Variants in ATP8A2 observed in about 807,000 individuals in gnomAD.
The protein encoded by ATP8A2 is ATPase phospholipid transporting 8A2.
In ATP8A2, 100 loss-of-function variants were observed where a neutral mutation model predicts 165.6. The observed-to-expected ratio is 0.60, with a 90% CI of 0.51 to 0.71. The LOEUF (loss-of-function observed/expected upper bound fraction) is 0.71. ATP8A2 is among the 30% of genes least tolerant of loss of function. ATP8A2 has a pLI of 0.00. For missense variants in ATP8A2, 1,227 were observed against 1,479.5 expected (o/e 0.83, Z 2.80); for synonymous variants, 543 against 548.8 (o/e 0.99, Z 0.15).
chr13:25,581,768 C>T (rs1423298302), intron 22 of ATP8A2, 51 bp from the exon 23 acceptor site: 1 of 1,541,242 alleles, frequency 6.5e-7, no homozygotes, highest in African/African-American at 1.4e-5. Flanking sequence ...TTTGTTAGTG[C>T]TGTTCTTAAG....
intron 33 of ATP8A2, among the ~76,000 whole-genome samples, chr13:25,888,076 C>G (rs573610087): frequency 3.0e-5 from 4 of 135,494 alleles, no homozygotes; most frequent in East Asian, 2.6e-4. Context: ...AGACCCCCCC[C>G]CCGCCCCACC....
At chr13:25,886,141 G>A (rs1953145409) in intron 33 of ATP8A2, among the ~76,000 whole-genome samples, 1 of 152,174 alleles carries the variant, frequency 6.6e-6, no homozygotes, top group Non-Finnish European at 1.5e-5. Flanking sequence ...AAATTGACAA[G>A]CAATGTTATA....
At chr13:25,964,930 T>C (rs1470752919) in intron 34 of ATP8A2, among the ~76,000 whole-genome samples, 5 of 152,160 alleles carry the variant, frequency 3.3e-5, no homozygotes, top group Non-Finnish European at 4.4e-5. Context: ...GAGGCCGAGG[T>C]GGGCGGATCA....
intron 36 of ATP8A2, 76 bp downstream of exon 36, chr13:26,012,698 C>G: frequency 8.6e-6 from 2 of 232,936 alleles, no homozygotes; most frequent in Non-Finnish European, 1.1e-5. Context: ...GTTGGGGGAG[C>G]GGGCGCTGAT....
chr13:25,963,262 C>T (rs1399660610), intron 34 of ATP8A2, among the ~76,000 whole-genome samples: 3 of 151,820 alleles, frequency 2.0e-5, no homozygotes, highest in Admixed American at 6.6e-5. Context: ...GGCGTGGTGG[C>T]GGGCACCTGT....
At chr13:25,519,646 G>C (rs533647321) in intron 2 of ATP8A2, among the ~76,000 whole-genome samples, 1 of 152,104 alleles carries the variant, frequency 6.6e-6, no homozygotes, top group Non-Finnish European at 1.5e-5. Context: ...TTTGCGCCTG[G>C]TCACTTATCT....
At chr13:25,818,143 T>G (rs1951076628) in intron 27 of ATP8A2, among the ~76,000 whole-genome samples, 1 of 152,220 alleles carries the variant, frequency 6.6e-6, no homozygotes, top group Admixed American at 6.5e-5. Flanking sequence ...TCACTCAAAA[T>G]ATTGCCAGAT....
chr13:25,813,499 A>G (rs1333164988), intron 27 of ATP8A2, among the ~76,000 whole-genome samples: 2 of 149,362 alleles, frequency 1.3e-5, no homozygotes, highest in East Asian at 1.9e-4. Context: ...GATATATGAT[A>G]TGGTATGATA....
intron 27 of ATP8A2, among the ~76,000 whole-genome samples, chr13:25,792,501 C>T (rs934144641): frequency 1.2e-4 from 18 of 152,140 alleles, no homozygotes; most frequent in African/African-American, 4.1e-4. Flanking sequence ...TAGAGACTCA[C>T]TAAGTATGTA....
At chr13:25,571,019 A>G (rs2039452193) in intron 17 of ATP8A2, 147 bp downstream of exon 17, 9 of 597,526 alleles carry the variant, frequency 1.5e-5, no homozygotes, top group Non-Finnish European at 2.6e-5. Context: ...CTGTGGCTAC[A>G]GGTGCAAAGC....
At chr13:25,745,312 G>T (rs2044007011) in intron 25 of ATP8A2, among the ~76,000 whole-genome samples, 1 of 152,132 alleles carries the variant, frequency 6.6e-6, no homozygotes, top group African/African-American at 2.4e-5. Context: ...AACTCAGCTT[G>T]CTCCTTGTTT....
chr13:25,640,798 C>T (rs2041499080), intron 24 of ATP8A2, among the ~76,000 whole-genome samples: 1 of 151,912 alleles, frequency 6.6e-6, no homozygotes, highest in Non-Finnish European at 1.5e-5. Flanking sequence ...AGAGACACAA[C>T]AAAAAAAGAG....
chr13:25,435,936 TGTGTGTGTGTGTGTGA>T (rs1391420576), intron 1 of ATP8A2, among the ~76,000 whole-genome samples: 1 of 114,476 alleles, frequency 8.7e-6, no homozygotes, highest in African/African-American at 3.1e-5. Flanking sequence ...TGTGTGAGTG[TGTGTGTGTGTGTGTGA>T]GTGTGTGTGT....
At chr13:25,905,685 G>A (rs144530744) in intron 33 of ATP8A2, among the ~76,000 whole-genome samples, 69 of 152,242 alleles carry the variant, frequency 4.5e-4, no homozygotes, top group African/African-American at 1.5e-3. Context: ...CTCCAGCCTC[G>A]GTGCCTGTCT....
intron 24 of ATP8A2, among the ~76,000 whole-genome samples, chr13:25,621,293 G>T (rs1419227466): frequency 1.3e-5 from 2 of 152,208 alleles, no homozygotes; most frequent in Admixed American, 6.5e-5. Context: ...TTAAGTGTCA[G>T]ATTTCATCAT....
intron 30 of ATP8A2, among the ~76,000 whole-genome samples, chr13:25,846,162 C>A (rs916851507): frequency 2.0e-5 from 3 of 151,888 alleles, no homozygotes; most frequent in Non-Finnish European, 4.4e-5. Context: ...GTGACAAGAG[C>A]GAAACTCAGT....
intron 25 of ATP8A2, among the ~76,000 whole-genome samples, chr13:25,747,275 A>G (rs1260756489): frequency 6.6e-6 from 1 of 152,234 alleles, no homozygotes; most frequent in Non-Finnish European, 1.5e-5. Flanking sequence ...TGAGCAGGCA[A>G]ACAGGCCTCA....
At chr13:25,907,368 T>A (rs1323270181) in intron 33 of ATP8A2, among the ~76,000 whole-genome samples, 1 of 76,966 alleles carries the variant, frequency 1.3e-5, no homozygotes, top group Non-Finnish European at 2.8e-5. Flanking sequence ...AATAAAAAAA[T>A]AAAATAAAAT....
chr13:25,580,198 G>A (rs1191944104), intron 22 of ATP8A2, among the ~76,000 whole-genome samples: 3 of 152,130 alleles, frequency 2.0e-5, no homozygotes, highest in African/African-American at 7.2e-5. Context: ...AACAGCATCA[G>A]CGACTTTCTG....
Sources: allele counts gnomAD v4.1 joint callset (sites outside exome capture counted in the v4.1 genomes callset), GRCh38; gene constraint gnomAD v4.1.1; transcripts MANE v1.5; gene names NCBI Gene and HGNC (gene_info 2026-07-23, HGNC 2026-07-21).